The following LAMA1 variants were observed in gnomAD, a reference collection of about 807,000 sequenced individuals.
LAMA1 encodes the protein laminin subunit alpha-1.
A neutral mutation model predicts 348.7 loss-of-function variants in LAMA1; 219 were observed. The ratio of observed to expected loss-of-function variants is 0.63; its 90% CI spans 0.56 to 0.70. The LOEUF is 0.70. Ranked by LOEUF, LAMA1 falls within the 30% of genes least tolerant of loss-of-function variation. The pLI is 0.00. For synonymous variants in LAMA1, 1,487 were observed against 1,491.0 expected, an observed-to-expected ratio of 1.00 and a Z score of 0.06; for missense variants, 3,744 against 3,888.0, an observed-to-expected ratio of 0.96 and a Z score of 0.99.
intron 19 of LAMA1, among the ~76,000 whole-genome samples, chr18:7,019,471 T>A (rs2057905459): frequency 6.6e-6 from 1 of 152,108 alleles, no homozygotes; most frequent in Non-Finnish European, 1.5e-5. Context: ...TAAAAAATCA[T>A]ATTCACTGTA....
intron 1 of LAMA1, among the ~76,000 whole-genome samples, chr18:7,112,607 T>TACAC (rs1555670521): frequency 2.2e-4 from 33 of 150,126 alleles, no homozygotes; most frequent in Non-Finnish European, 3.8e-4. Flanking sequence ...TATATATATA[T>TACAC]ACACACATAT....
At chr18:6,996,872 C>A (rs2057783537) in intron 33 of LAMA1, among the ~76,000 whole-genome samples, 4 of 152,030 alleles carry the variant, frequency 2.6e-5, no homozygotes, top group Admixed American at 2.0e-4. Flanking sequence ...ACTCCTCACC[C>A]TTTTTTGACC....
chr18:7,089,575 C>A (rs927663978), intron 1 of LAMA1, among the ~76,000 whole-genome samples: 1 of 152,230 alleles, frequency 6.6e-6, no homozygotes, highest in Non-Finnish European at 1.5e-5. Flanking sequence ...AGAGCTCAGG[C>A]GAAGGCCCAA....
At chr18:7,055,930 A>T (rs1225370222) in intron 3 of LAMA1, among the ~76,000 whole-genome samples, 2 of 152,090 alleles carry the variant, frequency 1.3e-5, no homozygotes, top group Admixed American at 1.3e-4. Flanking sequence ...AATACAAAAA[A>T]TTAGCTGGGC....
At chr18:7,063,545 ACAC>A (rs1334828174) in intron 3 of LAMA1, among the ~76,000 whole-genome samples, 1 of 152,194 alleles carries the variant, frequency 6.6e-6, no homozygotes, top group Non-Finnish European at 1.5e-5. Flanking sequence ...ATACACATGT[ACAC>A]CAATGTTCAC....
At position 6,999,914 on chromosome 18, in the gene LAMA1, TCA is replaced by T; in HGVS notation, c.4464_4465del (p.Cys1488Ter). On this transcript the variant is annotated stop_gained and frameshift_variant, in exon 31 of 63. Transcript: ENST00000389658. LOFTEE classifies it high-confidence loss of function. ...ACATGACAATCCACCCATGTACCTTTCACAGTGTTTTCCTTCATAGCCCAGGA... is the reference window on the plus strand; with the variant it reads ...ACATGACAATCCACCCATGTACCTTTCAGTGTTTTCCTTCATAGCCCAGGA... The T allele has an allele frequency of 1.2e-6, 2 of 1,613,880 alleles. No homozygotes were observed. Among genetic ancestry groups the T allele is most frequent in the Non-Finnish European group, 1.7e-6 (2 of 1,179,752 alleles).
chr18:7,116,464 G>A (rs2058356886), intron 1 of LAMA1, among the ~76,000 whole-genome samples: 1 of 152,150 alleles, frequency 6.6e-6, no homozygotes, highest in African/African-American at 2.4e-5. Context: ...TTCCAGCTCC[G>A]GTCCAGTGCT....
intron 26 of LAMA1, among the ~76,000 whole-genome samples, chr18:7,009,893 G>A (rs914888746): frequency 3.3e-5 from 5 of 152,018 alleles, no homozygotes; most frequent in Non-Finnish European, 7.4e-5. Flanking sequence ...TGCAACCTCC[G>A]CCTCCTGGGT....
At chr18:7,073,519 T>C (rs1455653898) in intron 3 of LAMA1, among the ~76,000 whole-genome samples, 1 of 152,212 alleles carries the variant, frequency 6.6e-6, no homozygotes, top group Non-Finnish European at 1.5e-5. Context: ...ATTTCTTCTT[T>C]TGTGTGTGGC....
chr18:6,953,926 G>C (rs148589793), intron 57 of LAMA1: 1 of 152,596 alleles, frequency 6.6e-6, no homozygotes, highest in East Asian at 1.9e-4. Context: ...CTAGGAACAA[G>C]TACCCTTCAT....
At position 7,036,423 on chromosome 18, in the gene LAMA1, T is replaced by C. The variant is rs540327671; in HGVS notation, c.1738-335A>G. On this transcript the variant is annotated intron_variant, in intron 12 of 62. Coordinates refer to ENST00000389658, the MANE Select transcript of LAMA1 (RefSeq NM_005559.4). ...GTTAAGTAATTTAGGGGATGAGGAGTTTGACCCATGTCTACAATCTCCACA... is the reference window on the plus strand; with the variant it reads ...GTTAAGTAATTTAGGGGATGAGGAGCTTGACCCATGTCTACAATCTCCACA... 2.0e-5 allele frequency among the ~76,000 whole-genome samples: 3 copies of C among 152,342 alleles called. No homozygotes were observed. In the South Asian group the frequency reaches 6.2e-4, roughly 32 times the overall value.
rs186069719 is a variant in LAMA1 at position 7,107,946 on chromosome 18, A to G, written c.61+9714T>C. On this transcript the variant is annotated intron_variant, in intron 1 of 62. Coordinates refer to ENST00000389658, the MANE Select transcript of LAMA1 (RefSeq NM_005559.4). ...GGAGAATGGCGTGAATCTGGGAGGC[A>G]GAGCTTGCAGTGAGCCAAGATCGCG... 9.1e-3 allele frequency among the ~76,000 whole-genome samples: 1,388 copies of G among 152,040 alleles called. 21 individuals carry two copies. The highest frequency in any genetic ancestry group is 0.031 in the African/African-American group (1,269 of 41,468).
At position 7,068,402 on chromosome 18, in the gene LAMA1, C is replaced by T. The variant is rs114048430; in HGVS notation, c.345+11573G>A. ...TTGCACTAAGGGCTTAATGTGAATC[C>T]GATCGTTGTCTTGTTCATCGATGAA... is the stretch of plus-strand genomic sequence containing the variant. On this transcript the variant is annotated intron_variant, in intron 3 of 62. Transcript: ENST00000389658. 9.0e-3 allele frequency among the ~76,000 whole-genome samples: 1,365 copies of T among 152,266 alleles called. 19 individuals are homozygous for T. Among genetic ancestry groups the T allele is most frequent in the African/African-American group, 0.032 (1,309 of 41,546 alleles).
Position 7,043,300 on chromosome 18 carries a change from C to G in LAMA1, c.1082G>C (p.Cys361Ser). 6.2e-7 allele frequency: 1 copy of G among 1,614,126 alleles called. No individual in the cohort carries two copies. Among genetic ancestry groups the G allele is most frequent in the Non-Finnish European group, 8.5e-7 (1 of 1,180,012 alleles). The part of the protein sequence containing the change: ...TAGQFRGGGV[C>S]INCLQNTMGI... The stretch of plus-strand genomic sequence containing the variant: ...CATGGTGTTCTGCAAGCAATTTATG[C>G]AAACCCCTCCTCCTCTGAACTGTCC... The change falls in exon 8 of 63, where the codon TGC becomes TCC. Residue 361 changes from cysteine (C) to serine (S), a missense_variant. Coordinates refer to ENST00000389658, the MANE Select transcript of LAMA1 (RefSeq NM_005559.4).
intron 57 of LAMA1, among the ~76,000 whole-genome samples, chr18:6,952,634 G>A (rs2057552100): frequency 6.6e-6 from 1 of 152,230 alleles, no homozygotes; most frequent in Non-Finnish European, 1.5e-5. Context: ...GGGAAGTTCT[G>A]GAAATAAATA....
At chr18:7,014,468 A>G (rs1268786722) in intron 22 of LAMA1, among the ~76,000 whole-genome samples, 1 of 152,064 alleles carries the variant, frequency 6.6e-6, no homozygotes, top group Non-Finnish European at 1.5e-5. Flanking sequence ...CAAATAATCA[A>G]AAAATTAGCT....
intron 8 of LAMA1, chr18:7,042,947 A>C: frequency 2.4e-6 from 1 of 416,298 alleles, no homozygotes; most frequent in South Asian, 3.4e-5. Context: ...CAGCTGCTTT[A>C]GTTATAGCTG....
At chr18:7,108,484 A>T (rs1259417872) in intron 1 of LAMA1, among the ~76,000 whole-genome samples, 1 of 151,802 alleles carries the variant, frequency 6.6e-6, no homozygotes, top group Non-Finnish European at 1.5e-5. Flanking sequence ...AACATGGTGA[A>T]ACCCTGTCTC....
intron 48 of LAMA1, among the ~76,000 whole-genome samples, chr18:6,967,195 T>G (rs991704517): frequency 6.6e-6 from 1 of 152,230 alleles, no homozygotes; most frequent in Admixed American, 6.5e-5. Flanking sequence ...TTGTGAAACC[T>G]GAGGTTTCAA....
Sources: allele counts gnomAD v4.1 joint callset (sites outside exome capture counted in the v4.1 genomes callset), GRCh38; gene constraint gnomAD v4.1.1; transcripts MANE v1.5; gene names NCBI Gene and HGNC (gene_info 2026-07-23, HGNC 2026-07-21).